The following ANKRD44 variants were observed in gnomAD, a reference collection of about 807,000 sequenced individuals.
ANKRD44 encodes ankyrin repeat domain 44, also known as serine/threonine-protein phosphatase 6 regulatory ankyrin repeat subunit B.
ANKRD44 carries 35 observed loss-of-function variants against 116.0 expected under a neutral mutation model. The ratio of observed to expected loss-of-function variants is 0.30; its 90% CI spans 0.23 to 0.40. The LOEUF (loss-of-function observed/expected upper bound fraction) is 0.40, where lower values mean the gene tolerates loss of function less well. ANKRD44 is among the 10% of genes least tolerant of loss of function. The pLI is 1.00. For synonymous variants in ANKRD44, 435 were observed against 461.8 expected (o/e 0.94, Z 0.74); for missense variants, 1,014 against 1,242.6 (o/e 0.82, Z 2.77).
intron 2 of ANKRD44, among the ~76,000 whole-genome samples, chr2:197,182,069 A>G (rs2080521397): frequency 6.6e-6 from 1 of 152,144 alleles, no homozygotes; most frequent in African/African-American, 2.4e-5. Flanking sequence ...TCATAACATA[A>G]TCCTCAAAAT....
intron 17 of ANKRD44, among the ~76,000 whole-genome samples, chr2:197,014,769 G>C (rs1309077252): frequency 6.6e-6 from 1 of 150,584 alleles, no homozygotes; most frequent in Non-Finnish European, 1.5e-5. Context: ...GAGTGACAGA[G>C]CAAGACTCTG....
chr2:197,075,083 G>T (rs2077637754), intron 16 of ANKRD44, among the ~76,000 whole-genome samples: 1 of 152,072 alleles, frequency 6.6e-6, no homozygotes. Context: ...CAAATTCCAA[G>T]TGATTTGGCA....
chr2:196,989,944 T>G (rs968026910), intron 27 of ANKRD44: 2 of 1,072,576 alleles, frequency 1.9e-6, no homozygotes, highest in African/African-American at 3.3e-5. Context: ...AAAGTTTTGG[T>G]GCAATATAAT....
chr2:197,093,835 G>A (rs1265235011), intron 10 of ANKRD44, among the ~76,000 whole-genome samples: 1 of 152,128 alleles, frequency 6.6e-6, no homozygotes, highest in Non-Finnish European at 1.5e-5. Context: ...ACTTCATCAG[G>A]TATACATCAA....
intron 1 of ANKRD44, among the ~76,000 whole-genome samples, chr2:197,291,057 A>G (rs1292615928): frequency 1.3e-5 from 2 of 152,086 alleles, no homozygotes; most frequent in African/African-American, 4.8e-5. Flanking sequence ...AAAAAAACAA[A>G]GATTTGCCAG....
Position 197,227,331 on chromosome 2 carries a change from A to T in ANKRD44, c.28-40225T>A, listed in dbSNP as rs1349141617. ...AAGCTTTGCTTTCAGCAATAGCTGG[A>T]CCGAGGACTGCAGAATTAGAGCAGG... is the stretch of plus-strand genomic sequence containing the variant. On this transcript the variant is annotated intron_variant, in intron 1 of 27. Coordinates refer to ENST00000282272, the MANE Select transcript of ANKRD44 (RefSeq NM_001195144.2). Among the ~76,000 whole-genome samples the T allele has an allele frequency of 5.3e-5, 8 of 152,362 alleles. No individual in the cohort carries two copies. In the East Asian group the frequency reaches 1.5e-3, roughly 29 times the overall value.
At chr2:197,161,868 TTG>T (rs1462727243) in intron 2 of ANKRD44, among the ~76,000 whole-genome samples, 1 of 152,144 alleles carries the variant, frequency 6.6e-6, no homozygotes, top group Non-Finnish European at 1.5e-5. Flanking sequence ...TTGGAAATCT[TTG>T]TGTCTCTCTC....
At chr2:197,064,369 A>G (rs1559033210) in intron 16 of ANKRD44, among the ~76,000 whole-genome samples, 2 of 152,210 alleles carry the variant, frequency 1.3e-5, no homozygotes, top group Non-Finnish European at 2.9e-5. Context: ...AAAGACCATC[A>G]ATGCTAGGAA....
chr2:197,108,470 A>C (rs571894860), intron 9 of ANKRD44, among the ~76,000 whole-genome samples: 3 of 152,284 alleles, frequency 2.0e-5, no homozygotes, highest in East Asian at 3.9e-4. Context: ...CAAGAATGAG[A>C]GAGGTTCTGA....
intron 16 of ANKRD44, among the ~76,000 whole-genome samples, chr2:197,045,383 TTAAAGTCCTC>T (rs1209335594): frequency 2.0e-5 from 3 of 152,226 alleles, no homozygotes; most frequent in Non-Finnish European, 4.4e-5. Context: ...CAGTAGAGAC[TTAAAGTCCTC>T]TGCCTTAACT....
At chr2:197,282,258 A>T (rs759369591) in intron 1 of ANKRD44, among the ~76,000 whole-genome samples, 26 of 151,696 alleles carry the variant, frequency 1.7e-4, no homozygotes, top group Admixed American at 2.6e-4. Context: ...GTCTCAAAAA[A>T]ATATATATAT....
chr2:197,078,465 A>C, intron 16 of ANKRD44: 1 of 1,149,562 alleles, frequency 8.7e-7, no homozygotes, highest in Non-Finnish European at 1.1e-6. Context: ...GATGACTACC[A>C]TGCTTTTGTG....
intron 16 of ANKRD44, among the ~76,000 whole-genome samples, chr2:197,070,698 C>T (rs914950231): frequency 4.0e-5 from 6 of 149,748 alleles, no homozygotes; most frequent in Non-Finnish European, 7.5e-5. Context: ...TGCTCGCTCT[C>T]GCTCTCTGTG....
At chr2:197,283,419 C>T (rs760342560) in intron 1 of ANKRD44, among the ~76,000 whole-genome samples, 8 of 152,170 alleles carry the variant, frequency 5.3e-5, no homozygotes, top group Non-Finnish European at 1.0e-4. Flanking sequence ...TTAATACCTG[C>T]TCTACTGAAA....
intron 3 of ANKRD44, among the ~76,000 whole-genome samples, chr2:197,141,770 T>G (rs1423206236): frequency 6.6e-6 from 1 of 152,226 alleles, no homozygotes; most frequent in Non-Finnish European, 1.5e-5. Context: ...ACCAGAGTTA[T>G]CTGAATGGAG....
chr2:197,163,422 C>A (rs757143763), intron 2 of ANKRD44, among the ~76,000 whole-genome samples: 28 of 152,186 alleles, frequency 1.8e-4, no homozygotes, highest in Non-Finnish European at 3.4e-4. Flanking sequence ...GGCCAAGTGG[C>A]TTGTTGAATA....
In ANKRD44 at chr2:197,284,165, A is replaced by G. The variant is rs1040690796; in HGVS notation, c.27+26413T>C. Reference sequence around the variant, plus strand: ...TGGAAAGACATCTATACCTATTGACATTAATAGACAGAACTCACTTTAGTG... The same window carrying G: ...TGGAAAGACATCTATACCTATTGACGTTAATAGACAGAACTCACTTTAGTG... On this transcript the variant is annotated intron_variant, in intron 1 of 27. Transcript: ENST00000282272. 5.5e-4 allele frequency among the ~76,000 whole-genome samples: 83 copies of G among 152,208 alleles called. 1 individual carries two copies. The highest frequency in any genetic ancestry group is 3.2e-3 in the Middle Eastern group (1 of 316).
At position 197,008,976 on chromosome 2, in the gene ANKRD44, C is replaced by T. The variant is rs374512277; in HGVS notation, c.1980G>A (p.Pro660=). 15 of 1,614,012 alleles carry T rather than the reference C, an allele frequency of 9.3e-6. No homozygotes were observed. Among genetic ancestry groups the T allele is most frequent in the African/African-American group, 8.0e-5 (6 of 74,936 alleles). ...LRLLLEIADN[P]EAVDVKDAKG... ...TGGCATCTTTCACATCGACCGCCTCCGGGTTGTCTGCAATTTCTAGCAACA... is the reference window on the plus strand; with the variant it reads ...TGGCATCTTTCACATCGACCGCCTCTGGGTTGTCTGCAATTTCTAGCAACA... Residue 660 remains proline (P), a synonymous_variant, in exon 19 of 28, where the codon CCG becomes CCA. Transcript: ENST00000282272.
At position 197,086,850 on chromosome 2, in the gene ANKRD44, T is replaced by C. The variant is rs527529878; in HGVS notation, c.1248-102A>G. The C allele has an allele frequency of 2.6e-4, 265 of 1,008,362 alleles. 1 individual carries two copies. In the African/African-American group the frequency reaches 4.0e-3, roughly 15 times the overall value. The allele number at this position is 1,008,362 out of a possible 1,614,324, so 62.5% of individuals were successfully genotyped here. A position where few individuals can be genotyped will look rare whatever the true frequency, so the allele number is the denominator to read the frequency against. Reference sequence around the variant, plus strand: ...CAGAGTACAGGACCAGATGAAAAGATAGCTCCTGGTCTAAATTCCGCTAAT... The same window carrying C: ...CAGAGTACAGGACCAGATGAAAAGACAGCTCCTGGTCTAAATTCCGCTAAT... On this transcript the variant is annotated intron_variant, in intron 12 of 27. Coordinates refer to ENST00000282272, the MANE Select transcript of ANKRD44 (RefSeq NM_001195144.2).
Sources: gnomAD v4.1 joint callset for allele counts (sites outside exome capture counted in the v4.1 genomes callset) on GRCh38, gnomAD v4.1.1 for gene constraint, MANE v1.5 for transcripts, NCBI Gene and HGNC (gene_info 2026-07-23, HGNC 2026-07-21) for gene names.